SNTB2: variants seen among roughly 807,000 people sequenced by gnomAD.
SNTB2 encodes syntrophin beta 2.
In SNTB2, 34 loss-of-function variants were observed where a neutral mutation model predicts 46.2. The ratio of observed to expected loss-of-function variants is 0.74; its 90% confidence interval spans 0.56 to 0.98. The LOEUF is 0.98. Among genes scored for constraint, SNTB2 ranks in the 50% least tolerant of loss-of-function variants. The pLI, the probability that SNTB2 is intolerant of heterozygous loss-of-function variation, is 0.00. For missense variants in SNTB2, 603 were observed against 731.4 expected (o/e 0.82, Z 2.02); for synonymous variants, 290 against 312.6 (o/e 0.93, Z 0.76).
intron 1 of SNTB2, among the ~76,000 whole-genome samples, chr16:69,221,501 C>T (rs1175390744): frequency 6.6e-6 from 1 of 152,134 alleles, no homozygotes; most frequent in Non-Finnish European, 1.5e-5. Context: ...TCAGACAGGG[C>T]GTGGTGGCTT....
intron 4 of SNTB2, among the ~76,000 whole-genome samples, chr16:69,274,571 T>C (rs1185261190): frequency 2.0e-5 from 3 of 149,262 alleles, no homozygotes; most frequent in African/African-American, 7.4e-5. Context: ...GAGAATGGCA[T>C]GAACCCAGGA....
intron 1 of SNTB2, among the ~76,000 whole-genome samples, chr16:69,202,326 T>G (rs1318251981): frequency 6.6e-6 from 1 of 150,852 alleles, no homozygotes; most frequent in South Asian, 2.1e-4. Context: ...ACATACATTC[T>G]TAGTTTATAA....
chr16:69,202,233 C>T (rs888005587), intron 1 of SNTB2, among the ~76,000 whole-genome samples: 1 of 152,124 alleles, frequency 6.6e-6, no homozygotes, highest in African/African-American at 2.4e-5. Flanking sequence ...TCATGTGCTT[C>T]CTAACTTTCA....
At chr16:69,268,602 C>T (rs1777683819) in intron 3 of SNTB2, among the ~76,000 whole-genome samples, 2 of 152,190 alleles carry the variant, frequency 1.3e-5, no homozygotes, top group African/African-American at 2.4e-5. Context: ...CGTTGGCTCA[C>T]GCCTGTAATC....
chr16:69,236,865 A>G (rs1411841886), intron 1 of SNTB2, among the ~76,000 whole-genome samples: 1 of 152,170 alleles, frequency 6.6e-6, no homozygotes, highest in Non-Finnish European at 1.5e-5. Flanking sequence ...AGCATTTTCC[A>G]AACCTTGATC....
At chr16:69,267,553 C>T (rs1158350372) in intron 3 of SNTB2, among the ~76,000 whole-genome samples, 1 of 152,198 alleles carries the variant, frequency 6.6e-6, no homozygotes, top group Non-Finnish European at 1.5e-5. Context: ...TCTTGGAAAA[C>T]TCAGGTTCAC....
chr16:69,284,775 AAAAC>A (rs900306441), intron 5 of SNTB2, among the ~76,000 whole-genome samples: 22 of 152,272 alleles, frequency 1.4e-4, no homozygotes, highest in East Asian at 1.4e-3. Flanking sequence ...CTCCGTCTCA[AAAAC>A]AAACAAACAA....
At chr16:69,266,055 C>T (rs1427107037) in intron 3 of SNTB2, among the ~76,000 whole-genome samples, 1 of 152,058 alleles carries the variant, frequency 6.6e-6, no homozygotes, top group East Asian at 1.9e-4. Context: ...TCACTGAAAG[C>T]AAACAGTATC....
chr16:69,206,364 T>C (rs1404750944), intron 1 of SNTB2, among the ~76,000 whole-genome samples: 13 of 152,110 alleles, frequency 8.5e-5, no homozygotes, highest in Non-Finnish European at 1.5e-5. Context: ...AGATATACTA[T>C]TTGATCAAGA....
chr16:69,229,056 T>A (rs1268029044), intron 1 of SNTB2, among the ~76,000 whole-genome samples: 2 of 152,228 alleles, frequency 1.3e-5, no homozygotes, highest in Non-Finnish European at 2.9e-5. Context: ...TCCATACTGA[T>A]ACCCCCTTAT....
chr16:69,245,556 A>T (rs1567406057), intron 1 of SNTB2, 46 bp from the exon 2 acceptor site: 1 of 1,563,012 alleles, frequency 6.4e-7, no homozygotes, highest in East Asian at 2.2e-5. Flanking sequence ...CATTTATTAT[A>T]GGAAGCAAAA....
intron 1 of SNTB2, among the ~76,000 whole-genome samples, chr16:69,192,787 A>G (rs1385836869): frequency 1.3e-5 from 2 of 152,228 alleles, no homozygotes; most frequent in Non-Finnish European, 1.5e-5. Flanking sequence ...ATAATTTTAT[A>G]TATGAACAAA....
intron 4 of SNTB2, among the ~76,000 whole-genome samples, chr16:69,279,573 T>C (rs1251156410): frequency 2.2e-5 from 3 of 133,960 alleles, no homozygotes; most frequent in Non-Finnish European, 3.1e-5. Flanking sequence ...TCGCCCAGGC[T>C]GGAGTGCAGT....
At chr16:69,213,221 A>T (rs1964307383) in intron 1 of SNTB2, among the ~76,000 whole-genome samples, 2 of 152,238 alleles carry the variant, frequency 1.3e-5, no homozygotes, top group Non-Finnish European at 2.9e-5. Context: ...AAAGCAAAGC[A>T]CTTACCTCTT....
intron 1 of SNTB2, among the ~76,000 whole-genome samples, chr16:69,243,287 G>A (rs1964636165): frequency 6.6e-6 from 1 of 152,168 alleles, no homozygotes; most frequent in African/African-American, 2.4e-5. Context: ...ACAGAAGACT[G>A]TTAACTTTTT....
chr16:69,247,774 C>T (rs900119279), intron 2 of SNTB2, among the ~76,000 whole-genome samples: 2 of 152,184 alleles, frequency 1.3e-5, no homozygotes, highest in African/African-American at 4.8e-5. Flanking sequence ...AAGGCCCTTT[C>T]ACAGAGCCAA....
Position 69,287,145 on chromosome 16 carries a change from A to T in SNTB2, c.1345+2901A>T, listed in dbSNP as rs1439916310. Among the ~76,000 whole-genome samples, 13 of 152,340 alleles carry T rather than the reference A, an allele frequency of 8.5e-5. No homozygotes were observed. In the East Asian group the frequency reaches 2.3e-3, roughly 27 times the overall value. ...ATTGTGGAAGCGCCCTCTTGTGGTT[A>T]GTTGTCATGAATTTGGAGTATTGTT... On this transcript the variant is annotated intron_variant, in intron 5 of 6. Coordinates refer to ENST00000336278, the MANE Select transcript of SNTB2 (RefSeq NM_006750.4).
chr16:69,265,441 T>C (rs1964874846), intron 3 of SNTB2, among the ~76,000 whole-genome samples: 1 of 152,162 alleles, frequency 6.6e-6, no homozygotes, highest in African/African-American at 2.4e-5. Context: ...CAGAAGTACA[T>C]TGCCTGTGAA....
At chr16:69,282,971 G>T (rs1965064432) in intron 4 of SNTB2, among the ~76,000 whole-genome samples, 1 of 152,106 alleles carries the variant, frequency 6.6e-6, no homozygotes. Context: ...TGTGTACAGG[G>T]TCTCACTCTG....
Sources: allele counts gnomAD v4.1 joint callset (sites outside exome capture counted in the v4.1 genomes callset), GRCh38; gene constraint gnomAD v4.1.1; transcripts MANE v1.5; gene names NCBI Gene and HGNC (gene_info 2026-07-23, HGNC 2026-07-21).